Variants in NRP2 observed in about 807,000 individuals in gnomAD.
NRP2 encodes neuropilin 2.
A neutral mutation model predicts 110.4 loss-of-function variants in NRP2; 52 were observed. The ratio of observed to expected loss-of-function variants is 0.47; its 90% CI spans 0.38 to 0.59. The LOEUF (loss-of-function observed/expected upper bound fraction) is 0.59, where lower values mean the gene tolerates loss of function less well. Among genes scored for constraint, NRP2 ranks in the 20% least tolerant of loss-of-function variants. The probability of loss-of-function intolerance (pLI) is 0.00; values close to 1 mark genes in which losing one functional copy is unlikely to be tolerated. For missense variants in NRP2, 1,049 were observed against 1,203.0 expected, an observed-to-expected ratio of 0.87 and a Z score of 1.89; for synonymous variants, 508 against 468.9, an observed-to-expected ratio of 1.08 and a Z score of -1.08.
At chr2:205,745,583 T>A (rs2057523299) in intron 9 of NRP2, among the ~76,000 whole-genome samples, 163 bp from the exon 10 acceptor site, 1 of 152,086 alleles carries the variant, frequency 6.6e-6, no homozygotes, top group South Asian at 2.1e-4. Context: ...GGTCTGAAAA[T>A]GAAGCTCGCG....
chr2:205,710,386 C>T (rs2056772594), intron 2 of NRP2, among the ~76,000 whole-genome samples: 1 of 152,142 alleles, frequency 6.6e-6, no homozygotes, highest in South Asian at 2.1e-4. Flanking sequence ...GTAACAGGGC[C>T]TGGTTTGGAT....
rs751789793 is a variant in NRP2, at chr2:205,752,982, C to T, written c.2044+7C>T. ...AACGACCGGACGTTTCCAGGTAAGC[C>T]AGCTGTGAGTGAAGATATGAAAGAG... On this transcript the variant is annotated splice_region_variant and intron_variant, in intron 12 of 16. Coordinates refer to ENST00000357785, the MANE Select transcript of NRP2 (RefSeq NM_003872.3). 1 of 1,613,016 alleles carries T rather than the reference C, an allele frequency of 6.2e-7. No homozygotes were observed. The highest frequency in any genetic ancestry group is 1.7e-5 in the Admixed American group (1 of 60,026).
chr2:205,729,304 T>C (rs1313276716), intron 7 of NRP2, among the ~76,000 whole-genome samples: 1 of 152,186 alleles, frequency 6.6e-6, no homozygotes, highest in Non-Finnish European at 1.5e-5. Context: ...ATGCACACAA[T>C]TGCCCGATTT....
intron 2 of NRP2, among the ~76,000 whole-genome samples, chr2:205,698,449 C>T (rs1382293390): frequency 7.9e-5 from 12 of 152,162 alleles, no homozygotes. Flanking sequence ...GAGGTTAGGT[C>T]AGTCACCCAA....
At chr2:205,703,352 G>T (rs1219966106) in intron 2 of NRP2, among the ~76,000 whole-genome samples, 3 of 152,200 alleles carry the variant, frequency 2.0e-5, no homozygotes, top group South Asian at 2.1e-4. Context: ...TATGTGCTAA[G>T]CACGTTGGTA....
intron 6 of NRP2, among the ~76,000 whole-genome samples, chr2:205,727,427 C>T (rs902007907): frequency 3.4e-4 from 51 of 152,096 alleles, no homozygotes; most frequent in African/African-American, 1.1e-3. Flanking sequence ...CACAATGGAG[C>T]GAGAGGGTGT....
chr2:205,724,084 C>A, intron 5 of NRP2, 144 bp downstream of exon 5: 1 of 850,326 alleles, frequency 1.2e-6, no homozygotes, highest in Non-Finnish European at 1.9e-6. Context: ...GAGGTGCCCA[C>A]ATCCTCTTGC....
Position 205,765,546 on chromosome 2 carries a change from G to A in NRP2, c.2380G>A (p.Asp794Asn), listed in dbSNP as rs901902418. The change falls in exon 14 of 17, where the codon GAT becomes AAT. Residue 794 changes from aspartate (D) to asparagine (N), a missense_variant. Asp to Asn is a conservative substitution (Grantham distance 23). Transcript: ENST00000357785. ...IAIDDIRISTDVPLENCMEPI... is the reference protein window; with the variant it reads ...IAIDDIRISTNVPLENCMEPI... ...CATTGATGACATTCGGATAAGCACT[G>A]ATGTCCCACTGGAGAACTGCATGGG... 25 of 1,613,790 alleles carry A rather than the reference G, an allele frequency of 1.5e-5. No individual in the cohort carries two copies. Among genetic ancestry groups the A allele is most frequent in the Non-Finnish European group, 2.0e-5 (24 of 1,179,824 alleles).
intron 7 of NRP2, among the ~76,000 whole-genome samples, chr2:205,733,222 A>T (rs1374547281): frequency 6.6e-6 from 1 of 152,186 alleles, no homozygotes; most frequent in East Asian, 1.9e-4. Flanking sequence ...TTTCTCTATC[A>T]GGCTCCCGCG....
chr2:205,741,147 A>G (rs1170212514), intron 8 of NRP2, among the ~76,000 whole-genome samples: 7 of 152,328 alleles, frequency 4.6e-5, no homozygotes, highest in Non-Finnish European at 2.9e-5. Flanking sequence ...GGTGGGCACA[A>G]CAGACTGTTC....
chr2:205,773,712 C>T (rs1207858561), intron 15 of NRP2, among the ~76,000 whole-genome samples: 2 of 152,194 alleles, frequency 1.3e-5, no homozygotes, highest in East Asian at 1.9e-4. Flanking sequence ...GTAAGAGAAA[C>T]ATGAAGGCTT....
intron 16 of NRP2, among the ~76,000 whole-genome samples, chr2:205,793,544 G>A (rs2058323831): frequency 6.6e-6 from 1 of 152,148 alleles, no homozygotes; most frequent in African/African-American, 2.4e-5. Flanking sequence ...AGTTCTGGAG[G>A]CTAGAAATGT....
At chr2:205,712,059 G>A (rs2056809193) in intron 2 of NRP2, among the ~76,000 whole-genome samples, 2 of 152,192 alleles carry the variant, frequency 1.3e-5, no homozygotes. Flanking sequence ...TGGCCCAAAT[G>A]TAGGTTTGGG....
intron 2 of NRP2, 62 bp downstream of exon 2, chr2:205,697,783 C>A (rs1352474382): frequency 2.1e-5 from 31 of 1,500,566 alleles, no homozygotes; most frequent in Admixed American, 3.3e-5. Flanking sequence ...CTGCCCCCAC[C>A]CCTGCTCTTG....
chr2:205,703,575 T>C (rs184982988), intron 2 of NRP2, among the ~76,000 whole-genome samples: 7 of 152,338 alleles, frequency 4.6e-5, no homozygotes, highest in East Asian at 3.9e-4. Context: ...CCCGGCATCA[T>C]GCATTTGGCA....
intron 15 of NRP2, among the ~76,000 whole-genome samples, chr2:205,789,806 C>T (rs180715156): frequency 1.3e-5 from 2 of 152,306 alleles, no homozygotes; most frequent in East Asian, 3.9e-4. Context: ...CTGCAGTTTA[C>T]CTACCAGGCT....
chr2:205,793,692 C>G (rs569733955), intron 16 of NRP2, among the ~76,000 whole-genome samples: 1 of 152,272 alleles, frequency 6.6e-6, no homozygotes, highest in Non-Finnish European at 1.5e-5. Context: ...CAGAATTTCC[C>G]CTTTTTCTAA....
chr2:205,683,101 C>G lies in NRP2; in HGVS notation c.-190C>G, dbSNP rs1235421227. 8.4e-6 allele frequency: 5 copies of G among 595,818 alleles called. No individual in the cohort carries two copies. The African/African-American group carries it at 9.3e-5, about 11-fold the overall frequency. 36.9% of individuals were successfully genotyped at this position (595,818 alleles called of 1,614,324 possible). The stretch of plus-strand genomic sequence containing the variant: ...CTTTGCTGATTTCAGGAGCTACTCT[C>G]CTCCTGGTGAGGTGGAAATTCCAGC... On this transcript the variant is annotated 5_prime_UTR_variant, in exon 1 of 17. Transcript: ENST00000357785.
chr2:205,697,108 T>G (rs1344612167), intron 1 of NRP2, among the ~76,000 whole-genome samples: 1 of 152,032 alleles, frequency 6.6e-6, no homozygotes, highest in African/African-American at 2.4e-5. Flanking sequence ...GCTGGCTGCC[T>G]GGGCTGGGCT....
Sources: gnomAD v4.1 joint callset for allele counts (sites outside exome capture counted in the v4.1 genomes callset) on GRCh38, gnomAD v4.1.1 for gene constraint, MANE v1.5 for transcripts, NCBI Gene and HGNC (gene_info 2026-07-23, HGNC 2026-07-21) for gene names.